GAN: variants seen among roughly 807,000 people sequenced by gnomAD.
GAN encodes the protein epididymis secretory sperm binding protein.
Under a neutral mutation model 71.3 loss-of-function variants are expected in GAN, and 48 were observed. That is an observed-to-expected ratio of 0.67 (90% confidence interval 0.53 to 0.86). The LOEUF (loss-of-function observed/expected upper bound fraction) is 0.86. Ranked by LOEUF, GAN falls within the 40% of genes least tolerant of loss-of-function variation. GAN has a pLI of 0.00. For missense variants in GAN, 928 were observed against 770.1 expected (o/e 1.21, Z -2.43); for synonymous variants, 386 against 276.8 (o/e 1.39, Z -3.92).
chr16:81,343,594 AC>A (rs1186284126), intron 1 of GAN, among the ~76,000 whole-genome samples: 1 of 152,184 alleles, frequency 6.6e-6, no homozygotes, highest in East Asian at 1.9e-4. Context: ...CTCTCAATAA[AC>A]TAGGTATTGG....
chr16:81,363,188 A>T (rs1910736548), intron 6 of GAN, among the ~76,000 whole-genome samples: 1 of 152,268 alleles, frequency 6.6e-6, no homozygotes, highest in Admixed American at 6.5e-5. Flanking sequence ...CATAGTTTAT[A>T]CTAGCCTTTC....
At chr16:81,328,172 C>G (rs1037861922) in intron 1 of GAN, among the ~76,000 whole-genome samples, 1 of 152,182 alleles carries the variant, frequency 6.6e-6, no homozygotes. Flanking sequence ...AAAATCTATA[C>G]ACACAAAAAA....
At chr16:81,362,435 G>T (rs1314169193) in intron 5 of GAN, 64 bp from the exon 6 acceptor site, 8 of 818,862 alleles carry the variant, frequency 9.8e-6, no homozygotes, top group Non-Finnish European at 1.5e-5. Context: ...TTCTATATAT[G>T]CTGTGGCGTT....
At chr16:81,326,812 C>T (rs1019020807) in intron 1 of GAN, among the ~76,000 whole-genome samples, 9 of 152,110 alleles carry the variant, frequency 5.9e-5, no homozygotes, top group Admixed American at 3.3e-4. Flanking sequence ...ATAGAAAAGC[C>T]ACAGCAAAAA....
chr16:81,369,234 C>T (rs138880945), intron 9 of GAN, among the ~76,000 whole-genome samples: 6 of 152,204 alleles, frequency 3.9e-5, no homozygotes, highest in Non-Finnish European at 8.8e-5. Flanking sequence ...GGTTCTCTGA[C>T]ACATGGATTG....
At chr16:81,362,793 C>T (rs1484600906) in intron 6 of GAN, among the ~76,000 whole-genome samples, 182 bp downstream of exon 6, 1 of 152,132 alleles carries the variant, frequency 6.6e-6, no homozygotes, top group Non-Finnish European at 1.5e-5. Context: ...TCCTTCTGGC[C>T]TCCATGAGTT....
At chr16:81,335,783 G>A (rs545129340) in intron 1 of GAN, among the ~76,000 whole-genome samples, 1 of 150,780 alleles carries the variant, frequency 6.6e-6, no homozygotes, top group East Asian at 1.9e-4. Context: ...CAAATGATGA[G>A]TCATTCTAAG....
At chr16:81,336,394 A>C (rs1195889021) in intron 1 of GAN, among the ~76,000 whole-genome samples, 2 of 152,224 alleles carry the variant, frequency 1.3e-5, no homozygotes, top group Non-Finnish European at 2.9e-5. Flanking sequence ...GTTGATGGAA[A>C]CATTAACTGC....
rs1162423638 is a variant in GAN, at chr16:81,363,784, G to A, written c.1087-10G>A. On this transcript the variant is annotated splice_polypyrimidine_tract_variant and intron_variant, in intron 6 of 10. Coordinates refer to ENST00000648994, the MANE Select transcript of GAN (RefSeq NM_022041.4). The stretch of plus-strand genomic sequence containing the variant: ...CCTTGTGTGTTCAGGGATCGCTAAT[G>A]TAATTTCAGGCAAGACATAACTTCG... The A allele has an allele frequency of 1.2e-6, 2 of 1,612,742 alleles. No homozygotes were observed. Among genetic ancestry groups the A allele is most frequent in the Middle Eastern group, 1.7e-4 (1 of 6,056 alleles).
rs1409449912 is a variant in GAN at position 81,339,740 on chromosome 16, A to AC, written c.168-11843_168-11842insC. On this transcript the variant is annotated intron_variant, in intron 1 of 10. Coordinates refer to ENST00000648994, the MANE Select transcript of GAN (RefSeq NM_022041.4). ...GTGCAGCTTGTGGCAGGATGGAGTG[A>AC]TCTAGGAAAAATCTGTAGAACAGCT... 7.9e-5 allele frequency among the ~76,000 whole-genome samples: 12 copies of AC among 152,290 alleles called. No individual in the cohort carries two copies. In the East Asian group the frequency reaches 2.1e-3, roughly 27 times the overall value.
intron 1 of GAN, among the ~76,000 whole-genome samples, chr16:81,327,005 C>G (rs76911452): frequency 0.021 from 3,208 of 152,252 alleles, 59 homozygotes; most frequent in East Asian, 0.082. Flanking sequence ...TAGCTGAATA[C>G]GTTTGTGGGG....
In GAN at chr16:81,386,751, A is replaced by C. The variant is rs1260588789; in HGVS notation, c.*9155A>C. The stretch of plus-strand genomic sequence containing the variant: ...CACCTGAGGTCGGCAGTTTGAGACC[A>C]GCCTGACCAACGTGGAGAAACCCCG... On this transcript the variant is annotated 3_prime_UTR_variant, in exon 11 of 11. Coordinates refer to ENST00000648994, the MANE Select transcript of GAN (RefSeq NM_022041.4). 1 of 152,310 alleles carries C rather than the reference A, an allele frequency of 6.6e-6. No individual in the cohort carries two copies. The highest frequency in any genetic ancestry group is 6.5e-5 in the Admixed American group (1 of 15,290). 9.4% of individuals were successfully genotyped at this position (152,310 alleles called of 1,614,324 possible). A position where few individuals can be genotyped will look rare whatever the true frequency, so the allele number is the denominator to read the frequency against.
intron 9 of GAN, among the ~76,000 whole-genome samples, chr16:81,375,283 TA>T (rs1248484988): frequency 0.015 from 2,120 of 142,520 alleles, 60 homozygotes; most frequent in African/African-American, 0.051. Context: ...TAAACCCAAT[TA>T]AAAAAAAAAT....
At chr16:81,331,242 C>G (rs1049518867) in intron 1 of GAN, among the ~76,000 whole-genome samples, 2 of 152,012 alleles carry the variant, frequency 1.3e-5, no homozygotes, top group Non-Finnish European at 2.9e-5. Context: ...GAACGAGATG[C>G]GAATTAATTG....
intron 9 of GAN, among the ~76,000 whole-genome samples, chr16:81,370,019 G>A (rs1285257321): frequency 3.9e-5 from 6 of 152,176 alleles, no homozygotes; most frequent in Admixed American, 2.0e-4. Context: ...TATGGCAGCC[G>A]TTGACATAGC....
intron 1 of GAN, among the ~76,000 whole-genome samples, chr16:81,328,746 A>G (rs2150670783): frequency 6.6e-6 from 1 of 150,830 alleles, no homozygotes; most frequent in South Asian, 2.1e-4. Flanking sequence ...TACTTCACTT[A>G]TCTGTTAGAC....
chr16:81,369,358 A>G (rs1910962116), intron 9 of GAN, among the ~76,000 whole-genome samples: 1 of 152,236 alleles, frequency 6.6e-6, no homozygotes, highest in South Asian at 2.1e-4. Flanking sequence ...AAACCATGCC[A>G]CCATGAAAGA....
In GAN at chr16:81,378,946, G is replaced by C. The variant is rs974306303; in HGVS notation, c.*1350G>C. 3.3e-5 allele frequency: 5 copies of C among 152,252 alleles called. No homozygotes were observed. The highest frequency in any genetic ancestry group is 4.1e-4 in the South Asian group (2 of 4,822). The allele number at this position is 152,252 out of a possible 1,614,324, so 9.4% of individuals were successfully genotyped here. On this transcript the variant is annotated 3_prime_UTR_variant, in exon 11 of 11. Coordinates refer to ENST00000648994, the MANE Select transcript of GAN (RefSeq NM_022041.4). ...AGTGTGAAATCGGGGACTTCAAAGTGCTTGATTCCTTCCTAAATTGAATTT... is the reference window on the plus strand; with the variant it reads ...AGTGTGAAATCGGGGACTTCAAAGTCCTTGATTCCTTCCTAAATTGAATTT...
intron 1 of GAN, among the ~76,000 whole-genome samples, chr16:81,326,484 G>T (rs1909393187): frequency 6.6e-6 from 1 of 152,178 alleles, no homozygotes; most frequent in Non-Finnish European, 1.5e-5. Context: ...GAGGAGACGA[G>T]ATCGCGCCAT....
Sources: gnomAD v4.1 joint callset for allele counts (sites outside exome capture counted in the v4.1 genomes callset) on GRCh38, gnomAD v4.1.1 for gene constraint, MANE v1.5 for transcripts, NCBI Gene and HGNC (gene_info 2026-07-23, HGNC 2026-07-21) for gene names.